The following MYO1F variants were observed in gnomAD, a reference collection of about 807,000 sequenced individuals.
MYO1F encodes the protein unconventional myosin-If.
A neutral mutation model predicts 146.6 loss-of-function variants in MYO1F; 60 were observed. That is an observed-to-expected ratio of 0.41 (90% CI 0.33 to 0.51). The LOEUF (loss-of-function observed/expected upper bound fraction) is 0.51, where lower values mean the gene tolerates loss of function less well. Ranked by LOEUF, MYO1F falls within the 20% of genes least tolerant of loss-of-function variation. The pLI, the probability that MYO1F is intolerant of heterozygous loss-of-function variation, is 0.25. For missense variants in MYO1F, 1,274 were observed against 1,534.3 expected, an observed-to-expected ratio of 0.83 and a Z score of 2.83; for synonymous variants, 602 against 602.1, an observed-to-expected ratio of 1.00 and a Z score of 0.00.
At chr19:8,550,000 A>T (rs746157840) in intron 10 of MYO1F, 160 bp downstream of exon 10, 14 of 782,084 alleles carry the variant, frequency 1.8e-5, no homozygotes, top group Non-Finnish European at 3.0e-5. Context: ...GGGTCTTGCT[A>T]TGTTGCCCAG....
In MYO1F at chr19:8,521,165, G is replaced by C. The variant is rs772344634; in HGVS notation, c.*363C>G. Reference sequence around the variant, plus strand: ...GTGATGACAGAATGAGCAAAGTCACGCTTGTTAAGGACCCCCCCCTCCCCA... The same window carrying C: ...GTGATGACAGAATGAGCAAAGTCACCCTTGTTAAGGACCCCCCCCTCCCCA... On this transcript the variant is annotated 3_prime_UTR_variant, in exon 28 of 28. Coordinates refer to ENST00000644032, the MANE Select transcript of MYO1F (RefSeq NM_012335.4). 2.8e-6 allele frequency: 1 copy of C among 359,474 alleles called. No individual in the cohort carries two copies. The highest frequency in any genetic ancestry group is 2.5e-5 in the South Asian group (1 of 40,522). 22.3% of individuals were successfully genotyped at this position (359,474 alleles called of 1,614,324 possible).
intron 2 of MYO1F, chr19:8,555,405 AAGAAC>A: frequency 8.1e-6 from 3 of 370,616 alleles, no homozygotes; most frequent in East Asian, 5.2e-5. Flanking sequence ...AAAAAAAAAA[AAGAAC>A]AAACAGGGTT....
intron 1 of MYO1F, among the ~76,000 whole-genome samples, chr19:8,558,909 G>T (rs912610800): frequency 6.6e-6 from 1 of 151,962 alleles, no homozygotes; most frequent in African/African-American, 2.4e-5. Flanking sequence ...GGGTCTCACT[G>T]CTTTGCCCAG....
intron 16 of MYO1F, among the ~76,000 whole-genome samples, chr19:8,537,786 G>C (rs1416926628): frequency 6.6e-6 from 1 of 152,006 alleles, no homozygotes; most frequent in African/African-American, 2.4e-5. Context: ...CTGGGGTATA[G>C]TGGCGCCGTG....
chr19:8,562,470 G>A (rs1048624343), intron 1 of MYO1F, among the ~76,000 whole-genome samples: 1 of 152,090 alleles, frequency 6.6e-6, no homozygotes, highest in African/African-American at 2.4e-5. Context: ...ACTGGGCCCA[G>A]CTGGGAGATT....
intron 1 of MYO1F, among the ~76,000 whole-genome samples, chr19:8,567,058 ATTTTTTTTTTT>A (rs768377216): frequency 7.8e-6 from 1 of 127,694 alleles, no homozygotes; most frequent in Non-Finnish European, 1.7e-5. Context: ...ACTGGGTCCA[ATTTTTTTTTTT>A]TTTTTTTTTT....
intron 23 of MYO1F, 83 bp downstream of exon 23, chr19:8,526,706 A>G: frequency 1.3e-6 from 2 of 1,531,856 alleles, no homozygotes; most frequent in Non-Finnish European, 1.8e-6. Flanking sequence ...GCCGAAGCGC[A>G]GTTCGGCCGG....
At chr19:8,552,003 G>A (rs979002494) in intron 7 of MYO1F, 30 bp downstream of exon 7, 8 of 1,613,722 alleles carry the variant, frequency 5.0e-6, no homozygotes, top group Non-Finnish European at 5.9e-6. Flanking sequence ...TCCAGGTGGT[G>A]CTCCCTCTCC....
At chr19:8,549,851 A>G in intron 10 of MYO1F, 1 of 465,770 alleles carries the variant, frequency 2.1e-6, no homozygotes, top group Non-Finnish European at 3.9e-6. Flanking sequence ...CCCAGGCTGG[A>G]GTACAATAGC....
Position 8,544,041 on chromosome 19 carries a change from C to CGGTGG in MYO1F, c.1524+255_1524+256insCCACC, listed in dbSNP as rs1973220998. ...GGCGGTGGCGGTGGCGGTGGCGGTGCTGGTGGTGGTGGTGGTGGTGGTGGT... is the reference window on the plus strand; with the variant it reads ...GGCGGTGGCGGTGGCGGTGGCGGTGCGGTGGTGGTGGTGGTGGTGGTGGTGGTGGT... On this transcript the variant is annotated intron_variant, in intron 14 of 27. Coordinates refer to ENST00000644032, the MANE Select transcript of MYO1F (RefSeq NM_012335.4). The CGGTGG allele has an allele frequency of 5.6e-4, 119 of 212,532 alleles. 1 individual carries two copies. The highest frequency in any genetic ancestry group is 7.9e-4 in the Non-Finnish European group (103 of 130,348). The allele number at this position is 212,532 out of a possible 1,614,324, so 13.2% of individuals were successfully genotyped here.
At chr19:8,527,630 G>T in intron 21 of MYO1F, 147 bp from the exon 22 acceptor site, 1 of 981,588 alleles carries the variant, frequency 1.0e-6, no homozygotes, top group Non-Finnish European at 1.5e-6. Flanking sequence ...CGTCTGTTTT[G>T]TAGACAGGGT....
rs1272843426 is a variant in MYO1F, at chr19:8,543,691, T to C, written c.1524+606A>G. 6.8e-3 allele frequency among the ~76,000 whole-genome samples: 131 copies of C among 19,202 alleles called. 1 individual carries two copies. The highest frequency in any genetic ancestry group is 0.011 in the Non-Finnish European group (91 of 8,566). The allele number at this position is 19,202 out of a possible 152,430, so 12.6% of individuals were successfully genotyped here. A position where few individuals can be genotyped will look rare whatever the true frequency, so the allele number is the denominator to read the frequency against. On this transcript the variant is annotated intron_variant, in intron 14 of 27. Coordinates refer to ENST00000644032, the MANE Select transcript of MYO1F (RefSeq NM_012335.4). Reference sequence around the variant, plus strand: ...GTGGTGGTGCTGGTGGTGGTGGTGGTGGTGGTGGTGGTGGTGCTGGTGGTG... The same window carrying C: ...GTGGTGGTGCTGGTGGTGGTGGTGGCGGTGGTGGTGGTGGTGCTGGTGGTG...
chr19:8,544,420 G>A lies in MYO1F; in HGVS notation c.1401C>T (p.Thr467=). 2 of 1,612,690 alleles carry A rather than the reference G, an allele frequency of 1.2e-6. No individual in the cohort carries two copies. The highest frequency in any genetic ancestry group is 1.7e-6 in the Non-Finnish European group (2 of 1,179,840). Residue 467 remains threonine (T), a synonymous_variant, in exon 14 of 28, where the codon ACC becomes ACT. Transcript: ENST00000644032. The part of the protein sequence containing the change: ...IMSVLDDVCA[T]MHATGGGADQ... ...CTGCTCCCCCGCCCGTGGCGTGCAT[G>A]GTGGCGCACACGTCGTCCAAGACGC... is the stretch of plus-strand genomic sequence containing the variant.
chr19:8,526,352 T>C, intron 24 of MYO1F, 101 bp downstream of exon 24: 2 of 1,447,672 alleles, frequency 1.4e-6, no homozygotes, highest in Non-Finnish European at 1.9e-6. Flanking sequence ...CTCAAAAGTC[T>C]CTCTCTCTCT....
intron 1 of MYO1F, among the ~76,000 whole-genome samples, chr19:8,576,288 T>C (rs2146008072): frequency 6.6e-6 from 1 of 152,278 alleles, no homozygotes; most frequent in South Asian, 2.1e-4. Context: ...CATGAGCCAC[T>C]GTCCCTGGCC....
intron 7 of MYO1F, 55 bp downstream of exon 7, chr19:8,551,978 T>C (rs757921551): frequency 1.9e-6 from 3 of 1,613,814 alleles, no homozygotes; most frequent in Non-Finnish European, 2.5e-6. Context: ...CTTCCCATTG[T>C]CCACCCCGCT....
In MYO1F at chr19:8,522,748, C is replaced by T; in HGVS notation, c.2936G>A (p.Arg979Lys). ...TGTGGACGGAGGGCCCCGGGGAGGC[C>T]TGTGGGTGCCCCCTCCAGACATGAT... is the stretch of plus-strand genomic sequence containing the variant. Reference protein sequence around the residue: ...LEIMSGGGTHRPPRGPPSTSL... With the variant: ...LEIMSGGGTHKPPRGPPSTSL... Residue 979 changes from arginine to lysine, a missense_variant, in exon 26 of 28, where the codon AGG becomes AAG. Arg to Lys is a conservative substitution (Grantham distance 26, BLOSUM62 2). Coordinates refer to ENST00000644032, the MANE Select transcript of MYO1F (RefSeq NM_012335.4). 6.2e-7 allele frequency: 1 copy of T among 1,611,764 alleles called. No homozygotes were observed. The highest frequency in any genetic ancestry group is 1.1e-5 in the South Asian group (1 of 90,864).
At position 8,530,637 on chromosome 19, in the gene MYO1F, G is replaced by A; in HGVS notation, c.2044-64C>T. The A allele has an allele frequency of 3.0e-6, 4 of 1,314,592 alleles. No individual in the cohort carries two copies. The highest frequency in any genetic ancestry group is 3.3e-6 in the Non-Finnish European group (3 of 919,804). The allele number at this position is 1,314,592 out of a possible 1,614,324, so 81.4% of individuals were successfully genotyped here. A position where few individuals can be genotyped will look rare whatever the true frequency, so the allele number is the denominator to read the frequency against. On this transcript the variant is annotated intron_variant, in intron 19 of 27. Transcript: ENST00000644032. This position sits in a 1 kb window ranked among gnomAD's most constrained non-coding sequence, Gnocchi z 5.8. The stretch of plus-strand genomic sequence containing the variant: ...GTCTCCCCAGGGGCTGCAGTTCCGG[G>A]TTTTCCCTGCGCTCACCCTACTCAC...
intron 13 of MYO1F, 42 bp from the exon 14 acceptor site, chr19:8,544,506 G>A (rs1973251673): frequency 1.3e-6 from 2 of 1,588,734 alleles, no homozygotes; most frequent in African/African-American, 2.7e-5. Context: ...AGTTTGGTCT[G>A]CCTTGCCTCC....
Sources: gnomAD v4.1 joint callset for allele counts (sites outside exome capture counted in the v4.1 genomes callset) on GRCh38, gnomAD v4.1.1 for gene constraint, Gnocchi (gnomAD v3.1) non-coding constraint, MANE v1.5 for transcripts, NCBI Gene and HGNC (gene_info 2026-07-23, HGNC 2026-07-21) for gene names.